Variants in SH3BP5 observed in about 807,000 individuals in gnomAD.
SH3BP5 encodes the protein SH3 domain-binding protein 5.
SH3BP5 carries 22 observed loss-of-function variants against 43.3 expected under a neutral mutation model. The ratio of observed to expected loss-of-function variants is 0.51; its 90% CI spans 0.36 to 0.73. SH3BP5 has a LOEUF of 0.73. SH3BP5 is among the 30% of genes least tolerant of loss of function. SH3BP5 has a pLI of 0.00. For missense variants in SH3BP5, 529 were observed against 586.9 expected (o/e 0.90, Z 1.02); for synonymous variants, 255 against 225.8 (o/e 1.13, Z -1.16).
chr3:15,268,691 C>A (rs1024278483), intron 4 of SH3BP5, among the ~76,000 whole-genome samples: 2 of 152,138 alleles, frequency 1.3e-5, no homozygotes, highest in African/African-American at 4.8e-5. Flanking sequence ...CCAAGTACTG[C>A]TGAGCCAAGA....
chr3:15,316,730 GA>G (rs5846865), intron 2 of SH3BP5, among the ~76,000 whole-genome samples: 47,283 of 147,100 alleles, frequency 0.32, 8,163 homozygotes, highest in Non-Finnish European at 0.4. Context: ...CTATGAAATG[GA>G]AAAAAAAAAA....
In SH3BP5 at chr3:15,254,728, C is replaced by CTTAA. The variant is rs879786952; in HGVS notation, c.*1354_*1357dup. The stretch of plus-strand genomic sequence containing the variant: ...GGCTTAAATTATTACTGTTCATGAC[C>CTTAA]TTAATTAATTGAAAATGATTACTGG... On this transcript the variant is annotated 3_prime_UTR_variant, in exon 9 of 9. Transcript: ENST00000383791. 2.7e-5 allele frequency: 4 copies of CTTAA among 150,836 alleles called. No homozygotes were observed. The highest frequency in any genetic ancestry group is 4.4e-5 in the Non-Finnish European group (3 of 68,018). 9.3% of individuals were successfully genotyped at this position (150,836 alleles called of 1,614,324 possible).
chr3:15,286,396 C>T (rs971465302), intron 3 of SH3BP5, among the ~76,000 whole-genome samples: 1 of 152,214 alleles, frequency 6.6e-6, no homozygotes, highest in Non-Finnish European at 1.5e-5. Flanking sequence ...CAGGGGCCTT[C>T]TCCCAGCTCT....
chr3:15,261,135 C>G (rs1696422312), intron 5 of SH3BP5, among the ~76,000 whole-genome samples: 1 of 152,190 alleles, frequency 6.6e-6, no homozygotes, highest in South Asian at 2.1e-4. Flanking sequence ...AGAAAAATGC[C>G]ATATACACGT....
chr3:15,294,332 C>CGT (rs1430741519), intron 3 of SH3BP5, among the ~76,000 whole-genome samples: 1 of 133,736 alleles, frequency 7.5e-6, no homozygotes, highest in Non-Finnish European at 1.6e-5. Flanking sequence ...TGTGTGTGTG[C>CGT]GCGCGCATGT....
At chr3:15,307,669 G>A (rs1050952047) in intron 2 of SH3BP5, among the ~76,000 whole-genome samples, 3 of 152,198 alleles carry the variant, frequency 2.0e-5, no homozygotes, top group Non-Finnish European at 2.9e-5. Flanking sequence ...AACCACCCAG[G>A]GAGTTTCCCA....
At chr3:15,327,357 G>A (rs868774375) in intron 2 of SH3BP5, among the ~76,000 whole-genome samples, 30 of 152,108 alleles carry the variant, frequency 2.0e-4, no homozygotes, top group African/African-American at 6.7e-4. Context: ...CCGAGATCAC[G>A]CCATTGCACT....
rs1559432515 is a variant in SH3BP5, at chr3:15,272,527, CTAAAGACATTACAAAACAGAGTGCCTGT to C, written c.331-2678_331-2651del. Among the ~76,000 whole-genome samples, 107 of 119,456 alleles carry C rather than the reference CTAAAGACATTACAAAACAGAGTGCCTGT, an allele frequency of 9.0e-4. 2 individuals are homozygous for C. The highest frequency in any genetic ancestry group is 2.7e-3 in the African/African-American group (99 of 36,644). The allele number at this position is 119,456 out of a possible 152,430, so 78.4% of individuals were successfully genotyped here. On this transcript the variant is annotated intron_variant, in intron 3 of 8. Coordinates refer to ENST00000383791, the MANE Select transcript of SH3BP5 (RefSeq NM_004844.5). The stretch of plus-strand genomic sequence containing the variant: ...GGGACAGAAGGAAGGATTTGAGACT[CTAAAGACATTACAAAACAGAGTGCCTGT>C]AGGATAAAGACATTACAAAACAGAG...
rs1386360954 is a variant in SH3BP5, at chr3:15,254,910, G to GTAAT, written c.*1172_*1175dup. 6.6e-6 allele frequency: 1 copy of GTAAT among 152,122 alleles called. No individual in the cohort carries two copies. The highest frequency in any genetic ancestry group is 1.5e-5 in the Non-Finnish European group (1 of 68,018). The allele number at this position is 152,122 out of a possible 1,614,324, so 9.4% of individuals were successfully genotyped here. On this transcript the variant is annotated 3_prime_UTR_variant, in exon 9 of 9. Coordinates refer to ENST00000383791, the MANE Select transcript of SH3BP5 (RefSeq NM_004844.5). ...ATTAAGACAAGTACAAAATAACCTT[G>GTAAT]TAATTAAGATACTGTATCAGTCAAA...
At chr3:15,318,793 A>C (rs1698247244) in intron 2 of SH3BP5, among the ~76,000 whole-genome samples, 1 of 152,172 alleles carries the variant, frequency 6.6e-6, no homozygotes, top group Non-Finnish European at 1.5e-5. Flanking sequence ...GCTGGTCCCA[A>C]ATTCGTAGCC....
intron 3 of SH3BP5, among the ~76,000 whole-genome samples, chr3:15,279,460 G>A (rs1303327569): frequency 6.6e-6 from 1 of 152,174 alleles, no homozygotes; most frequent in Non-Finnish European, 1.5e-5. Context: ...GAGCTTTGCA[G>A]GGTTAGAAAT....
At position 15,329,162 on chromosome 3, in the gene SH3BP5, A is replaced by T. The variant is rs535538234; in HGVS notation, c.201+1342T>A. 9.0e-3 allele frequency among the ~76,000 whole-genome samples: 1,332 copies of T among 148,710 alleles called. 4 individuals are homozygous for T. Among genetic ancestry groups the T allele is most frequent in the African/African-American group, 0.02 (816 of 40,908 alleles). ...AAGACTCTGTCTCAAAAAAAAAAAA[A>T]TTTTAATTAAATTCAAATAGCCATA... On this transcript the variant is annotated intron_variant, in intron 2 of 8. Transcript: ENST00000383791.
chr3:15,254,555 T>C lies in SH3BP5; in HGVS notation c.*1531A>G, dbSNP rs930346444. 1 of 148,128 alleles carries C rather than the reference T, an allele frequency of 6.8e-6. No homozygotes were observed. Among genetic ancestry groups the C allele is most frequent in the Non-Finnish European group, 1.5e-5 (1 of 68,044 alleles). The allele number at this position is 148,128 out of a possible 1,614,324, so 9.2% of individuals were successfully genotyped here. A position where few individuals can be genotyped will look rare whatever the true frequency, so the allele number is the denominator to read the frequency against. On this transcript the variant is annotated 3_prime_UTR_variant, in exon 9 of 9. Transcript: ENST00000383791. ...TAATTCTCTGGGGATGAGAACTGAC[T>C]GACAGCAACACTTAAGCTTCGAGAC...
intron 3 of SH3BP5, among the ~76,000 whole-genome samples, chr3:15,286,763 C>G (rs1442892805): frequency 6.6e-6 from 1 of 152,180 alleles, no homozygotes; most frequent in African/African-American, 2.4e-5. Context: ...CCAGGCTGGT[C>G]TTGAACTCCT....
intron 5 of SH3BP5, among the ~76,000 whole-genome samples, chr3:15,260,741 AGT>A (rs1417554133): frequency 2.6e-5 from 4 of 152,076 alleles, no homozygotes; most frequent in Non-Finnish European, 5.9e-5. Context: ...CATGCAAGGG[AGT>A]GTGGCTGGAG....
At chr3:15,323,872 C>T (rs1369873280) in intron 2 of SH3BP5, among the ~76,000 whole-genome samples, 3 of 152,220 alleles carry the variant, frequency 2.0e-5, no homozygotes, top group Non-Finnish European at 2.9e-5. Context: ...CAAGCTTTGC[C>T]GGCTGTCCTA....
At chr3:15,312,808 A>G (rs1048518699) in intron 2 of SH3BP5, among the ~76,000 whole-genome samples, 12 of 152,330 alleles carry the variant, frequency 7.9e-5, no homozygotes, top group Non-Finnish European at 1.6e-4. Context: ...GAAACAACAT[A>G]ACATTACTCT....
At chr3:15,307,316 G>A (rs6801433) in intron 2 of SH3BP5, among the ~76,000 whole-genome samples, 61,690 of 151,944 alleles carry the variant, frequency 0.41, 12,649 homozygotes, top group East Asian at 0.56. Context: ...TTCTCCAGGG[G>A]AAGGGCCCAA....
intron 3 of SH3BP5, among the ~76,000 whole-genome samples, chr3:15,286,695 A>T (rs1697274579): frequency 6.6e-6 from 1 of 152,140 alleles, no homozygotes; most frequent in Non-Finnish European, 1.5e-5. Flanking sequence ...CTGGGACTAC[A>T]GGAGCACACC....
Sources: allele counts gnomAD v4.1 joint callset (sites outside exome capture counted in the v4.1 genomes callset), GRCh38; gene constraint gnomAD v4.1.1; transcripts MANE v1.5; gene names NCBI Gene and HGNC (gene_info 2026-07-23, HGNC 2026-07-21).